The following FGFR1 variants were observed in gnomAD, a reference collection of about 807,000 sequenced individuals.
FGFR1 encodes FGFR1/PLAG1 fusion.
A neutral mutation model predicts 93.7 loss-of-function variants in FGFR1; 18 were observed. That is an observed-to-expected ratio of 0.19 (90% CI 0.13 to 0.28). The LOEUF is 0.28. FGFR1 is among the 10% of genes least tolerant of loss of function. FGFR1 has a pLI of 1.00. For synonymous variants in FGFR1, 448 were observed against 429.3 expected, an observed-to-expected ratio of 1.04 and a Z score of -0.54; for missense variants, 731 against 1,080.4, an observed-to-expected ratio of 0.68 and a Z score of 4.53.
At chr8:38,415,524 A>G (rs1402679240) in intron 13 of FGFR1, among the ~76,000 whole-genome samples, 4 of 148,156 alleles carry the variant, frequency 2.7e-5, no homozygotes, top group Admixed American at 1.4e-4. Context: ...CTGGTCTCAC[A>G]CTCCTGAGCT....
chr8:38,459,310 C>T (rs998097386), intron 1 of FGFR1, among the ~76,000 whole-genome samples: 1 of 152,192 alleles, frequency 6.6e-6, no homozygotes, highest in Non-Finnish European at 1.5e-5. Flanking sequence ...CCAGGCAGGG[C>T]CCCTCGCAAG....
chr8:38,424,637 C>T lies in FGFR1; in HGVS notation c.808G>A (p.Gly270Ser), dbSNP rs2150822558. Residue 270 changes from glycine (G) to serine (S), a missense_variant, in exon 7 of 18, where the codon GGT (glycine) becomes AGT (serine). Transcript: ENST00000447712. The surrounding 1 kb of genome is among the most constrained non-coding windows in gnomAD (Gnocchi z 4.3). ...GLPANKTVAL[G>S]SNVEFMCKVY... ...TTACACATGAACTCCACGTTGCTAC[C>T]CAGGGCCACTGTTTTGTTGGCGGGC... The T allele has an allele frequency of 6.2e-7, 1 of 1,613,300 alleles. No individual in the cohort carries two copies. Among genetic ancestry groups the T allele is most frequent in the Non-Finnish European group, 8.5e-7 (1 of 1,179,274 alleles).
rs1209902915 is a variant in FGFR1 at position 38,411,271 on chromosome 8, A to G, written c.*2357T>C. 9.5e-6 allele frequency: 2 copies of G among 209,840 alleles called. No homozygotes were observed. The highest frequency in any genetic ancestry group is 1.4e-4 in the East Asian group (2 of 13,880). 13.0% of individuals were successfully genotyped at this position (209,840 alleles called of 1,614,324 possible). On this transcript the variant is annotated 3_prime_UTR_variant, in exon 18 of 18. Coordinates refer to ENST00000447712, the MANE Select transcript of FGFR1 (RefSeq NM_023110.3). ...CTTATATTTTTCTAGCACCTCTCCC[A>G]AGGACTTATGAAGACTTTTAGATTC...
In FGFR1 at chr8:38,421,580, C is replaced by T. The variant is rs1003725820; in HGVS notation, c.1081+217G>A. The T allele has an allele frequency of 2.0e-4, 123 of 623,984 alleles. 1 individual carries two copies. Among genetic ancestry groups the T allele is most frequent in the South Asian group, 3.2e-4 (18 of 56,232 alleles). 38.7% of individuals were successfully genotyped at this position (623,984 alleles called of 1,614,324 possible). A position where few individuals can be genotyped will look rare whatever the true frequency, so the allele number is the denominator to read the frequency against. On this transcript the variant is annotated intron_variant, in intron 8 of 17. Transcript: ENST00000447712. Reference sequence around the variant, plus strand: ...CAGGGGGAGAGCAGAGGCAGGTGTACGGGTGGGAGGCCTCCGTGCGCCTGC... The same window carrying T: ...CAGGGGGAGAGCAGAGGCAGGTGTATGGGTGGGAGGCCTCCGTGCGCCTGC...
intron 2 of FGFR1, among the ~76,000 whole-genome samples, chr8:38,441,148 T>C (rs1049575595): frequency 5.3e-5 from 8 of 151,262 alleles, no homozygotes; most frequent in African/African-American, 1.9e-4. Context: ...CAAGAGCTAT[T>C]GGCCTGGAGA....
chr8:38,455,078 T>G (rs1832404260), intron 2 of FGFR1, among the ~76,000 whole-genome samples: 1 of 149,312 alleles, frequency 6.7e-6, no homozygotes, highest in Admixed American at 6.9e-5. Flanking sequence ...CAGGTTCAAG[T>G]GATCCTCCCA....
intron 2 of FGFR1, 124 bp downstream of exon 2, chr8:38,457,232 C>T (rs2151335060): frequency 9.1e-7 from 1 of 1,094,228 alleles, no homozygotes; most frequent in Non-Finnish European, 1.3e-6. Context: ...GAAGGGAGTT[C>T]TTTGCTCCAC....
chr8:38,439,331 C>T (rs984685557), intron 2 of FGFR1, among the ~76,000 whole-genome samples: 1 of 152,138 alleles, frequency 6.6e-6, no homozygotes, highest in Non-Finnish European at 1.5e-5. Context: ...CCACAGGAGA[C>T]AGCACCCTGC....
rs1050038731 is a variant in FGFR1, at chr8:38,426,840, C to T, written c.622-595G>A. 1.3e-5 allele frequency among the ~76,000 whole-genome samples: 2 copies of T among 152,158 alleles called. No homozygotes were observed. Among genetic ancestry groups the T allele is most frequent in the Non-Finnish European group, 2.9e-5 (2 of 68,020 alleles). On this transcript the variant is annotated intron_variant, in intron 5 of 17. Coordinates refer to ENST00000447712, the MANE Select transcript of FGFR1 (RefSeq NM_023110.3). This position sits in a 1 kb window ranked among gnomAD's most constrained non-coding sequence, Gnocchi z 4.1. ...AATTTAAAATATTTCTGGCTGGGTG[C>T]GGTGGCTCAAGCCTGTAATCCCAGC... is the stretch of plus-strand genomic sequence containing the variant.
At position 38,416,718 on chromosome 8, in the gene FGFR1, G is replaced by T. The variant is rs184731378; in HGVS notation, c.1663+588C>A. ...GATCCACCCGCCTCACCCTCCCAAG[G>T]TGCTGGGATTACAGGCGTGAGCCAC... On this transcript the variant is annotated intron_variant, in intron 12 of 17. Transcript: ENST00000447712. 4.7e-4 allele frequency among the ~76,000 whole-genome samples: 72 copies of T among 151,770 alleles called. No individual in the cohort carries two copies. In the East Asian group the frequency reaches 0.013, roughly 28 times the overall value.
At chr8:38,434,203 G>A (rs1348978126) in intron 2 of FGFR1, 1 of 155,648 alleles carries the variant, frequency 6.4e-6, no homozygotes, top group African/African-American at 2.4e-5. Flanking sequence ...TAAAAAATAA[G>A]TTAAAATTTC....
chr8:38,428,897 C>T (rs1821775929), intron 3 of FGFR1: 1 of 302,464 alleles, frequency 3.3e-6, no homozygotes, highest in Admixed American at 4.7e-5. Flanking sequence ...CATGTGTCTA[C>T]TAAGGTTTGG....
rs772837657 is a variant in FGFR1, at chr8:38,429,698, G to A, written c.342C>T (p.Phe114=). Residue 114 remains phenylalanine (F), a synonymous_variant, in exon 3 of 18, where the codon TTC becomes TTT. Coordinates refer to ENST00000447712, the MANE Select transcript of FGFR1 (RefSeq NM_023110.3). The surrounding 1 kb of genome is among the most constrained non-coding windows in gnomAD (Gnocchi z 4.4). ...GCTACCAACCTGAAACATTGACGGA[G>A]AAGTAGGTGGTGTCACTGCCCGAGG... is the stretch of plus-strand genomic sequence containing the variant. ...SSPSGSDTTY[F]SVNVSDALPS... The A allele has an allele frequency of 4.2e-5, 66 of 1,569,782 alleles. No individual in the cohort carries two copies. The highest frequency in any genetic ancestry group is 5.6e-5 in the Admixed American group (3 of 53,572).
rs1452782809 is a variant in FGFR1, at chr8:38,429,470, A to C, written c.358+212T>G. On this transcript the variant is annotated intron_variant, in intron 3 of 17. Coordinates refer to ENST00000447712, the MANE Select transcript of FGFR1 (RefSeq NM_023110.3). The surrounding 1 kb of genome is among the most constrained non-coding windows in gnomAD (Gnocchi z 4.4). ...CTCCGAGGTGTGTCCTGGAAGCCCC[A>C]GATCTCCGGCCCTGGGGCCCACCCC... The C allele has an allele frequency of 1.4e-6, 1 of 705,620 alleles. No homozygotes were observed. The highest frequency in any genetic ancestry group is 2.7e-5 in the East Asian group (1 of 37,118). 43.7% of individuals were successfully genotyped at this position (705,620 alleles called of 1,614,324 possible). A position where few individuals can be genotyped will look rare whatever the true frequency, so the allele number is the denominator to read the frequency against.
intron 2 of FGFR1, among the ~76,000 whole-genome samples, chr8:38,455,234 C>T (rs1832466314): frequency 6.6e-6 from 1 of 152,104 alleles, no homozygotes; most frequent in African/African-American, 2.4e-5. Flanking sequence ...CCTCGGCTTC[C>T]CAAAATGTTG....
intron 2 of FGFR1, among the ~76,000 whole-genome samples, chr8:38,437,491 C>T (rs1017559156): frequency 2.6e-5 from 4 of 152,112 alleles, no homozygotes; most frequent in Non-Finnish European, 4.4e-5. Context: ...GCTCTGACGT[C>T]ATGAAACATA....
At chr8:38,444,035 A>G (rs528049969) in intron 2 of FGFR1, among the ~76,000 whole-genome samples, 116 of 144,230 alleles carry the variant, frequency 8.0e-4, no homozygotes, top group South Asian at 1.4e-3. Flanking sequence ...CCTGGGCAAC[A>G]AGAATGAAAC....
chr8:38,411,980 C>T lies in FGFR1; in HGVS notation c.*1648G>A, dbSNP rs1814542206. 4.3e-6 allele frequency: 1 copy of T among 231,748 alleles called. No homozygotes were observed. The highest frequency in any genetic ancestry group is 6.1e-5 in the East Asian group (1 of 16,362). 14.4% of individuals were successfully genotyped at this position (231,748 alleles called of 1,614,324 possible). ...AACTAGCCTCAGGTGACATGTTCTCCTGCACTTAGAAGCACTGGCAAAACC... is the reference window on the plus strand; with the variant it reads ...AACTAGCCTCAGGTGACATGTTCTCTTGCACTTAGAAGCACTGGCAAAACC... On this transcript the variant is annotated 3_prime_UTR_variant, in exon 18 of 18. Transcript: ENST00000447712.
chr8:38,448,787 T>C (rs1034259645), intron 2 of FGFR1, among the ~76,000 whole-genome samples: 7 of 152,050 alleles, frequency 4.6e-5, no homozygotes, highest in Admixed American at 2.0e-4. Flanking sequence ...AAAACCTGTC[T>C]CTACAAAAAA....
Sources: allele counts gnomAD v4.1 joint callset (sites outside exome capture counted in the v4.1 genomes callset), GRCh38; gene constraint gnomAD v4.1.1; non-coding constraint Gnocchi (gnomAD v3.1); transcripts MANE v1.5; gene names NCBI Gene and HGNC (gene_info 2026-07-23, HGNC 2026-07-21).